SLC26A7: variants seen among roughly 807,000 people sequenced by gnomAD.
SLC26A7 encodes the protein anion exchange transporter.
A neutral mutation model predicts 82.5 loss-of-function variants in SLC26A7; 59 were observed. That is an observed-to-expected ratio of 0.72 (90% confidence interval 0.58 to 0.89). SLC26A7 has a LOEUF of 0.89. Ranked by LOEUF, SLC26A7 falls within the 40% of genes least tolerant of loss-of-function variation. The pLI is 0.00. For missense variants in SLC26A7, 820 were observed against 793.0 expected (o/e 1.03, Z -0.41); for synonymous variants, 271 against 274.3 (o/e 0.99, Z 0.12).
In SLC26A7 at chr8:91,343,439, C is replaced by A. The variant is rs754868361; in HGVS notation, c.1113C>A (p.Gly371=). 1.2e-6 allele frequency: 2 copies of A among 1,612,344 alleles called. No individual in the cohort carries two copies. The highest frequency in any genetic ancestry group is 2.2e-5 in the East Asian group (1 of 44,832). ...CTGCTGCCATGGGAAGGACGGCTGG[C>A]CTGTACAGCACAGGAGCGAAGACAC... ...PSAAAMGRTA[G]LYSTGAKTQV... is the part of the protein sequence containing the mutation. Residue 371 remains glycine, a synonymous_variant, in exon 9 of 19, where the codon GGC becomes GGA. Transcript: ENST00000276609.
intron 9 of SLC26A7, among the ~76,000 whole-genome samples, chr8:91,347,830 A>T (rs1308245215): frequency 1.3e-5 from 2 of 152,234 alleles, no homozygotes; most frequent in African/African-American, 2.4e-5. Flanking sequence ...TATCTAAGAA[A>T]GGTCTTTAGG....
At chr8:91,394,622 G>C in intron 18 of SLC26A7, 1 of 1,143,914 alleles carries the variant, frequency 8.7e-7, no homozygotes, top group East Asian at 5.3e-5. Flanking sequence ...AATAACATTT[G>C]GTGCCTCGCA....
intron 3 of SLC26A7, among the ~76,000 whole-genome samples, chr8:91,295,323 G>A (rs1382501616): frequency 2.0e-5 from 3 of 152,222 alleles, no homozygotes; most frequent in South Asian, 2.1e-4. Context: ...GTGGCTGTAC[G>A]TTGAATGAAT....
chr8:91,252,416 A>T (rs971649756), intron 2 of SLC26A7, among the ~76,000 whole-genome samples: 1 of 152,038 alleles, frequency 6.6e-6, no homozygotes, highest in East Asian at 1.9e-4. Flanking sequence ...TTAAATATAG[A>T]TGCTTTTCTA....
chr8:91,311,026 C>T (rs1425679287), intron 4 of SLC26A7, among the ~76,000 whole-genome samples: 1 of 152,100 alleles, frequency 6.6e-6, no homozygotes, highest in Admixed American at 6.6e-5. Flanking sequence ...ATTCTTTCTT[C>T]CGAGGAGGCA....
intron 9 of SLC26A7, among the ~76,000 whole-genome samples, chr8:91,350,558 C>T (rs1813685903): frequency 1.3e-5 from 2 of 151,888 alleles, no homozygotes; most frequent in African/African-American, 4.8e-5. Context: ...CCTCTAGCAT[C>T]CTATAATTTA....
intron 15 of SLC26A7, among the ~76,000 whole-genome samples, chr8:91,372,930 A>G (rs1814406456): frequency 6.6e-6 from 1 of 151,948 alleles, no homozygotes; most frequent in Non-Finnish European, 1.5e-5. Flanking sequence ...CTACTTGTAG[A>G]GGCCTTTCAC....
chr8:91,310,428 A>G (rs1448958463), intron 4 of SLC26A7, among the ~76,000 whole-genome samples: 3 of 152,080 alleles, frequency 2.0e-5, no homozygotes, highest in Non-Finnish European at 4.4e-5. Flanking sequence ...TGGGCAGTTT[A>G]TGGGTCCCCT....
chr8:91,365,162 CA>C (rs1341269053), intron 13 of SLC26A7, among the ~76,000 whole-genome samples: 4 of 144,786 alleles, frequency 2.8e-5, no homozygotes, highest in Non-Finnish European at 4.7e-5. Context: ...TTAACAAATA[CA>C]TTTTTTTTCA....
At chr8:91,228,208 A>G (rs914143134) in intron 2 of SLC26A7, among the ~76,000 whole-genome samples, 1 of 152,258 alleles carries the variant, frequency 6.6e-6, no homozygotes, top group African/African-American at 2.4e-5. Flanking sequence ...GATGGGAGAC[A>G]TGTGCCTTGT....
At chr8:91,289,366 G>T (rs955017783) in intron 3 of SLC26A7, 120 bp downstream of exon 3, 1 of 755,716 alleles carries the variant, frequency 1.3e-6, no homozygotes, top group Non-Finnish European at 2.3e-6. Context: ...AAATATTAGA[G>T]GAAGATATTT....
chr8:91,312,392 A>T (rs1299754924), intron 4 of SLC26A7, among the ~76,000 whole-genome samples: 2 of 152,196 alleles, frequency 1.3e-5, no homozygotes, highest in Non-Finnish European at 2.9e-5. Context: ...GTTACTCTGA[A>T]TAATGCTGCT....
intron 9 of SLC26A7, among the ~76,000 whole-genome samples, chr8:91,350,113 C>T (rs779194382): frequency 6.6e-6 from 1 of 152,014 alleles, no homozygotes; most frequent in Admixed American, 6.6e-5. Flanking sequence ...TGTATGCTGA[C>T]GAGTGTTTGT....
chr8:91,252,062 A>G (rs1025195948), intron 2 of SLC26A7, among the ~76,000 whole-genome samples: 1 of 152,158 alleles, frequency 6.6e-6, no homozygotes, highest in African/African-American at 2.4e-5. Context: ...CAATTTTCTA[A>G]GGAAAATTAG....
At chr8:91,265,482 A>G (rs1811086025) in intron 2 of SLC26A7, among the ~76,000 whole-genome samples, 1 of 151,954 alleles carries the variant, frequency 6.6e-6, no homozygotes, top group Non-Finnish European at 1.5e-5. Context: ...CATAATGGCT[A>G]TGCTAATTTA....
intron 7 of SLC26A7, among the ~76,000 whole-genome samples, chr8:91,339,125 T>G (rs1200129370): frequency 6.6e-6 from 1 of 152,200 alleles, no homozygotes; most frequent in Non-Finnish European, 1.5e-5. Flanking sequence ...AGTCAGCTTA[T>G]TATTCCTTTT....
chr8:91,356,173 G>A (rs1813862653), intron 11 of SLC26A7, among the ~76,000 whole-genome samples: 1 of 151,710 alleles, frequency 6.6e-6, no homozygotes, highest in Non-Finnish European at 1.5e-5. Context: ...ATTGTGAATA[G>A]TGCCGCAATA....
chr8:91,384,725 G>C (rs1024984976), intron 15 of SLC26A7, among the ~76,000 whole-genome samples: 1 of 151,902 alleles, frequency 6.6e-6, no homozygotes, highest in African/African-American at 2.4e-5. Flanking sequence ...ACAGTGCTTA[G>C]AGTAGGCACT....
chr8:91,335,538 A>G (rs1813216664), intron 6 of SLC26A7, among the ~76,000 whole-genome samples: 1 of 152,194 alleles, frequency 6.6e-6, no homozygotes, highest in Non-Finnish European at 1.5e-5. Flanking sequence ...ATATCTTGGG[A>G]AGCTATATCG....
Sources: gnomAD v4.1 joint callset for allele counts (sites outside exome capture counted in the v4.1 genomes callset) on GRCh38, gnomAD v4.1.1 for gene constraint, MANE v1.5 for transcripts, NCBI Gene and HGNC (gene_info 2026-07-23, HGNC 2026-07-21) for gene names.